GNB1L: variants seen among roughly 807,000 people sequenced by gnomAD.
GNB1L encodes the protein guanine nucleotide-binding protein subunit beta-like protein 1.
Under a neutral mutation model 29.1 loss-of-function variants are expected in GNB1L, and 20 were observed. The ratio of observed to expected loss-of-function variants is 0.69; its 90% CI spans 0.48 to 1.00. The LOEUF (loss-of-function observed/expected upper bound fraction) is 1.00. Ranked by LOEUF, GNB1L falls within the 50% of genes least tolerant of loss-of-function variation. The pLI is 0.00. For synonymous variants in GNB1L, 193 were observed against 206.5 expected (o/e 0.93, Z 0.56); for missense variants, 421 against 464.9 (o/e 0.91, Z 0.87).
chr22:19,794,108 C>T, intron 7 of GNB1L, among the ~76,000 whole-genome samples: 1 of 152,088 alleles, frequency 6.6e-6, no homozygotes, highest in Non-Finnish European at 1.5e-5. Context: ...GAGACCCTAT[C>T]TCTACAAAAA....
At chr22:19,843,326 C>A (rs12106511) in intron 2 of GNB1L, among the ~76,000 whole-genome samples, 3,880 of 152,366 alleles carry the variant, frequency 0.025, 148 homozygotes, top group African/African-American at 0.088. Context: ...TCAGTATCCG[C>A]CTTTGGAAGC....
chr22:19,815,487 A>C (rs1937520777), intron 4 of GNB1L, among the ~76,000 whole-genome samples: 1 of 152,206 alleles, frequency 6.6e-6, no homozygotes, highest in Non-Finnish European at 1.5e-5. Flanking sequence ...GGCCAGGGCC[A>C]AGGGAGGGGA....
chr22:19,794,034 C>T (rs891326171), intron 7 of GNB1L, among the ~76,000 whole-genome samples: 1 of 152,062 alleles, frequency 6.6e-6, no homozygotes, highest in African/African-American at 2.4e-5. Context: ...TGGCTCATGC[C>T]TTTAATCCCA....
intron 2 of GNB1L, 95 bp from the exon 3 acceptor site, chr22:19,821,470 T>C: frequency 8.1e-7 from 1 of 1,241,240 alleles, no homozygotes; most frequent in Admixed American, 1.9e-5. Context: ...ATGTTGCCCC[T>C]GCTCATTGTC....
chr22:19,789,470 G>A (rs553633873), intron 7 of GNB1L, among the ~76,000 whole-genome samples: 7 of 152,174 alleles, frequency 4.6e-5, no homozygotes, highest in South Asian at 4.2e-4. Context: ...GGCTGGGAGC[G>A]CTGCCAAGAG....
At chr22:19,841,082 A>G (rs992351216) in intron 2 of GNB1L, among the ~76,000 whole-genome samples, 1 of 152,232 alleles carries the variant, frequency 6.6e-6, no homozygotes, top group Admixed American at 6.5e-5. Context: ...ATTCTGCAAC[A>G]GAAAAGGACA....
chr22:19,815,653 G>A (rs1937521221), intron 4 of GNB1L, among the ~76,000 whole-genome samples: 1 of 152,146 alleles, frequency 6.6e-6, no homozygotes, highest in Non-Finnish European at 1.5e-5. Flanking sequence ...GGTGATCACA[G>A]CTCACTGCAG....
rs1375377198 is a variant in GNB1L, at chr22:19,784,981, G to A, written c.*3728C>T. 1 of 152,266 alleles carries A rather than the reference G, an allele frequency of 6.6e-6. No individual in the cohort carries two copies. The highest frequency in any genetic ancestry group is 1.5e-5 in the Non-Finnish European group (1 of 68,086). 9.4% of individuals were successfully genotyped at this position (152,266 alleles called of 1,614,324 possible). ...CTGGGGCTCACAGCCACGAGAATCT[G>A]GATTTGAACAGAAAAAGCCCCCAGC... On this transcript the variant is annotated 3_prime_UTR_variant, in exon 8 of 8. Transcript: ENST00000329517.
intron 6 of GNB1L, among the ~76,000 whole-genome samples, chr22:19,805,730 A>G (rs574123308): frequency 2.6e-4 from 39 of 152,090 alleles, no homozygotes; most frequent in African/African-American, 8.9e-4. Context: ...TGCAGTGAGC[A>G]GAGATCGCGC....
rs1191184100 is a variant in GNB1L at position 19,788,700 on chromosome 22, G to A, written c.*9C>T. 4.3e-6 allele frequency: 7 copies of A among 1,611,450 alleles called. No individual in the cohort carries two copies. In the Admixed American group the frequency reaches 1.0e-4, roughly 23 times the overall value. On this transcript the variant is annotated 3_prime_UTR_variant, in exon 8 of 8. Coordinates refer to ENST00000329517, the MANE Select transcript of GNB1L (RefSeq NM_053004.3). ...GCCCTCCTCGTCTCCCGGGAAGGGA[G>A]TGGGTGAGTCATGCGCGTGGGTAGA...
intron 2 of GNB1L, among the ~76,000 whole-genome samples, chr22:19,845,791 T>C (rs1601352669): frequency 6.6e-6 from 1 of 151,558 alleles, no homozygotes; most frequent in East Asian, 1.9e-4. Flanking sequence ...ACCAGGAGAG[T>C]GTGAACACTG....
rs141866814 is a variant in GNB1L at position 19,799,471 on chromosome 22, G to A, written c.732+2530C>T. 8.8e-4 allele frequency among the ~76,000 whole-genome samples: 134 copies of A among 152,376 alleles called. 1 individual carries two copies. The East Asian group carries it at 0.025, about 28-fold the overall frequency. On this transcript the variant is annotated intron_variant, in intron 7 of 7. Coordinates refer to ENST00000329517, the MANE Select transcript of GNB1L (RefSeq NM_053004.3). ...CCCCAGCCTGGACCTGGGCCTTCCA[G>A]GAAGGATCTCTGGCCACCAGTGGCT...
chr22:19,830,247 G>T (rs753282737), intron 2 of GNB1L, among the ~76,000 whole-genome samples: 1 of 151,872 alleles, frequency 6.6e-6, no homozygotes, highest in African/African-American at 2.4e-5. Flanking sequence ...CAGATTATAC[G>T]ATGGTATACA....
In GNB1L at chr22:19,787,793, C is replaced by T. The variant is rs1937204631; in HGVS notation, c.*916G>A. On this transcript the variant is annotated 3_prime_UTR_variant, in exon 8 of 8. Coordinates refer to ENST00000329517, the MANE Select transcript of GNB1L (RefSeq NM_053004.3). ...TCATGGTTCTTTCCCAATCAACACC[C>T]GCTTTTAGGAGGAGACGACCGGCCA... 2.0e-5 allele frequency: 3 copies of T among 152,650 alleles called. No individual in the cohort carries two copies. Among genetic ancestry groups the T allele is most frequent in the African/African-American group, 4.8e-5 (2 of 41,612 alleles). 9.5% of individuals were successfully genotyped at this position (152,650 alleles called of 1,614,324 possible). A position where few individuals can be genotyped will look rare whatever the true frequency, so the allele number is the denominator to read the frequency against.
chr22:19,836,391 T>TG (rs900819044), intron 2 of GNB1L, among the ~76,000 whole-genome samples: 6 of 79,678 alleles, frequency 7.5e-5, no homozygotes, highest in East Asian at 3.6e-4. Context: ...TTTAAATCCT[T>TG]GGGGAAAAAA....
intron 2 of GNB1L, among the ~76,000 whole-genome samples, chr22:19,843,813 G>A (rs946086636): frequency 4.6e-5 from 7 of 152,218 alleles, no homozygotes; most frequent in South Asian, 4.1e-4. Flanking sequence ...TGTAGGCCCC[G>A]ACGAAGGACA....
chr22:19,820,623 G>A lies in GNB1L; in HGVS notation c.229C>T (p.Leu77=), dbSNP rs1019956982. 4 of 1,613,098 alleles carry A rather than the reference G, an allele frequency of 2.5e-6. No individual in the cohort carries two copies. The highest frequency in any genetic ancestry group is 3.4e-6 in the Non-Finnish European group (4 of 1,179,826). ...CTGAGGAGCTGGCGCCCCTGGGGCA[G>A]CGTCTGCAGCCAGGTCACACACTGG... is the stretch of plus-strand genomic sequence containing the variant. The part of the protein sequence containing the change: ...GGQCVTWLQT[L]PQGRQLLSQG... The change falls in exon 4 of 8, where the codon CTG becomes TTG. Residue 77 remains leucine (L), a synonymous_variant. Coordinates refer to ENST00000329517, the MANE Select transcript of GNB1L (RefSeq NM_053004.3).
chr22:19,847,160 T>G, intron 2 of GNB1L: 1 of 985,396 alleles, frequency 1.0e-6, no homozygotes, highest in African/African-American at 1.7e-5. Context: ...CCTGCCTCAG[T>G]GAGCATGGAG....
chr22:19,830,576 G>C (rs932589631), intron 2 of GNB1L, among the ~76,000 whole-genome samples: 1 of 152,100 alleles, frequency 6.6e-6, no homozygotes, highest in African/African-American at 2.4e-5. Flanking sequence ...TTTGTTCTTG[G>C]TTAAGACAAT....
Sources: allele counts gnomAD v4.1 joint callset (sites outside exome capture counted in the v4.1 genomes callset), GRCh38; gene constraint gnomAD v4.1.1; transcripts MANE v1.5; gene names NCBI Gene and HGNC (gene_info 2026-07-23, HGNC 2026-07-21).